Variants in TBC1D4 observed in about 807,000 individuals in gnomAD.
The protein encoded by TBC1D4 is TBC1 domain family member 4.
TBC1D4 carries 121 observed loss-of-function variants against 142.5 expected under a neutral mutation model. That is an observed-to-expected ratio of 0.85 (90% CI 0.73 to 0.99). The LOEUF (loss-of-function observed/expected upper bound fraction) is 0.99, where lower values mean the gene tolerates loss of function less well. Among genes scored for constraint, TBC1D4 ranks in the 50% least tolerant of loss-of-function variants. The probability of loss-of-function intolerance (pLI) is 0.00; values close to 1 mark genes in which losing one functional copy is unlikely to be tolerated. For synonymous variants in TBC1D4, 630 were observed against 628.2 expected, an observed-to-expected ratio of 1.00 and a Z score of -0.04; for missense variants, 1,475 against 1,606.6, an observed-to-expected ratio of 0.92 and a Z score of 1.40.
At chr13:75,364,562 C>T (rs1359500) in intron 1 of TBC1D4, among the ~76,000 whole-genome samples, 112,411 of 152,208 alleles carry the variant, frequency 0.74, 42,011 homozygotes, top group East Asian at 0.92. Context: ...CTCAACCCTT[C>T]ATCATTTTCT....
intron 1 of TBC1D4, among the ~76,000 whole-genome samples, chr13:75,438,682 T>A (rs1442566917): frequency 1.3e-5 from 2 of 152,230 alleles, no homozygotes; most frequent in Non-Finnish European, 2.9e-5. Flanking sequence ...AGAAACATGG[T>A]GTGTCTCTTC....
chr13:75,455,066 A>G (rs1887675496), intron 1 of TBC1D4, among the ~76,000 whole-genome samples: 1 of 152,188 alleles, frequency 6.6e-6, no homozygotes, highest in Non-Finnish European at 1.5e-5. Context: ...ATTCTATGTA[A>G]CTGATCAGAA....
At chr13:75,360,140 A>G (rs1882385578) in intron 2 of TBC1D4, among the ~76,000 whole-genome samples, 1 of 152,196 alleles carries the variant, frequency 6.6e-6, no homozygotes, top group African/African-American at 2.4e-5. Context: ...GTCTTTTTAA[A>G]AAATATGCAA....
At chr13:75,439,721 G>A (rs1371846679) in intron 1 of TBC1D4, among the ~76,000 whole-genome samples, 2 of 152,018 alleles carry the variant, frequency 1.3e-5, no homozygotes, top group Non-Finnish European at 2.9e-5. Flanking sequence ...TCTGGACAGT[G>A]AAACCCCGTC....
chr13:75,443,802 C>T (rs983504568), intron 1 of TBC1D4, among the ~76,000 whole-genome samples: 1 of 152,136 alleles, frequency 6.6e-6, no homozygotes, highest in African/African-American at 2.4e-5. Flanking sequence ...CAGGAAAAGC[C>T]AAGGTGAATG....
intron 1 of TBC1D4, among the ~76,000 whole-genome samples, chr13:75,395,823 C>T (rs1239450188): frequency 6.6e-6 from 1 of 151,994 alleles, no homozygotes. Flanking sequence ...GAGTGAGACT[C>T]CATCTCAAAA....
chr13:75,393,927 C>CAA (rs57675298), intron 1 of TBC1D4, among the ~76,000 whole-genome samples: 62,701 of 135,672 alleles, frequency 0.46, 14,153 homozygotes, highest in Non-Finnish European at 0.53. Flanking sequence ...AACTCTGTCT[C>CAA]AAAAAAAAAA....
In TBC1D4 at chr13:75,326,305, G is replaced by C; in HGVS notation, c.1925C>G (p.Thr642Arg). Residue 642 changes from threonine (T) to arginine (R), a missense_variant, in exon 10 of 21, where the codon ACG (threonine) becomes AGG (arginine). Physicochemically the swap from Thr to Arg is moderately conservative, Grantham distance 71 (BLOSUM62 -1). Around this residue, in one of 2 missense-constraint regions of TBC1D4, gnomAD observed 1,227 missense variants for 1,267.7 expected, o/e 0.97. Coordinates refer to ENST00000377636, the MANE Select transcript of TBC1D4 (RefSeq NM_014832.5). ...DSPQFRRRAH[T>R]FSHPPSSTKR... ...TGTGCTTGAAGGTGGGTGGCTGAACGTGTGTGCCCGTCTTCGAAACTGCGG... is the reference window on the plus strand; with the variant it reads ...TGTGCTTGAAGGTGGGTGGCTGAACCTGTGTGCCCGTCTTCGAAACTGCGG... 1 of 1,614,136 alleles carries C rather than the reference G, an allele frequency of 6.2e-7. No homozygotes were observed. Among genetic ancestry groups the C allele is most frequent in the Non-Finnish European group, 8.5e-7 (1 of 1,180,032 alleles).
At chr13:75,323,613 T>C (rs1405278818) in intron 11 of TBC1D4, among the ~76,000 whole-genome samples, 1 of 152,044 alleles carries the variant, frequency 6.6e-6, no homozygotes, top group Non-Finnish European at 1.5e-5. Context: ...CAAAACAAAA[T>C]AGAATGTTCA....
chr13:75,376,660 G>A (rs1192888167), intron 1 of TBC1D4, among the ~76,000 whole-genome samples: 2 of 152,132 alleles, frequency 1.3e-5, no homozygotes, highest in Non-Finnish European at 2.9e-5. Context: ...TGGGATTACA[G>A]GCATATGCCA....
chr13:75,347,613 A>G (rs144751644), intron 5 of TBC1D4, among the ~76,000 whole-genome samples: 1 of 152,176 alleles, frequency 6.6e-6, no homozygotes, highest in African/African-American at 2.4e-5. Flanking sequence ...ACTTTGATCC[A>G]TCTAGCATGT....
chr13:75,285,542 T>G lies in TBC1D4; in HGVS notation c.*1250A>C, dbSNP rs1874587202. ...CCCAGCATGCGTGAATGTCATCTAA[T>G]GAGCTATTTGTAGGCTGAGGAAGTG... is the stretch of plus-strand genomic sequence containing the variant. On this transcript the variant is annotated 3_prime_UTR_variant, in exon 21 of 21. Transcript: ENST00000377636. 1 of 152,768 alleles carries G rather than the reference T, an allele frequency of 6.5e-6. No homozygotes were observed. Among genetic ancestry groups the G allele is most frequent in the Admixed American group, 6.5e-5 (1 of 15,294 alleles). The allele number at this position is 152,768 out of a possible 1,614,324, so 9.5% of individuals were successfully genotyped here. A position where few individuals can be genotyped will look rare whatever the true frequency, so the allele number is the denominator to read the frequency against.
At chr13:75,427,408 G>A (rs1202528600) in intron 1 of TBC1D4, among the ~76,000 whole-genome samples, 1 of 152,198 alleles carries the variant, frequency 6.6e-6, no homozygotes, top group Non-Finnish European at 1.5e-5. Context: ...GGGTGCAGTG[G>A]CTTATGCCTG....
chr13:75,315,940 C>T (rs956977638), intron 12 of TBC1D4, among the ~76,000 whole-genome samples: 1 of 152,112 alleles, frequency 6.6e-6, no homozygotes, highest in South Asian at 2.1e-4. Flanking sequence ...TTATTCCTTT[C>T]CTACATAAAG....
intron 5 of TBC1D4, among the ~76,000 whole-genome samples, chr13:75,345,997 T>C (rs1881116053): frequency 6.6e-6 from 1 of 152,216 alleles, no homozygotes; most frequent in Non-Finnish European, 1.5e-5. Flanking sequence ...TACTCCTATG[T>C]TTTTAACTTT....
At chr13:75,473,345 T>TA (rs1888495624) in intron 1 of TBC1D4, among the ~76,000 whole-genome samples, 1 of 152,162 alleles carries the variant, frequency 6.6e-6, no homozygotes, top group Admixed American at 6.5e-5. Context: ...TATATGAAGA[T>TA]ACAATTGTAA....
At chr13:75,442,219 C>T (rs1182704290) in intron 1 of TBC1D4, among the ~76,000 whole-genome samples, 1 of 152,166 alleles carries the variant, frequency 6.6e-6, no homozygotes, top group Non-Finnish European at 1.5e-5. Flanking sequence ...TTACAGTTAA[C>T]ATCTTAAAAC....
chr13:75,415,949 A>C (rs1463454676), intron 1 of TBC1D4, among the ~76,000 whole-genome samples: 1 of 152,212 alleles, frequency 6.6e-6, no homozygotes, highest in East Asian at 1.9e-4. Context: ...TACTTTATGA[A>C]ATTCAAGGGT....
intron 1 of TBC1D4, among the ~76,000 whole-genome samples, chr13:75,470,849 C>T (rs770517200): frequency 9.9e-5 from 15 of 151,868 alleles, no homozygotes; most frequent in Non-Finnish European, 1.9e-4. Context: ...TAGCCAGGTG[C>T]GGTGGAGCGT....
Sources: allele counts gnomAD v4.1 joint callset (sites outside exome capture counted in the v4.1 genomes callset), GRCh38; gene constraint gnomAD v4.1.1; regional missense constraint gnomAD v4.1.1; transcripts MANE v1.5; gene names NCBI Gene and HGNC (gene_info 2026-07-23, HGNC 2026-07-21).